Variants in SHISA9 observed in about 807,000 individuals in gnomAD.
SHISA9 encodes protein shisa-9.
In SHISA9, 13 loss-of-function variants were observed where a neutral mutation model predicts 38.0. The ratio of observed to expected loss-of-function variants is 0.34; its 90% confidence interval spans 0.22 to 0.54. SHISA9 has a LOEUF of 0.54. Ranked by LOEUF, SHISA9 falls within the 20% of genes least tolerant of loss-of-function variation. SHISA9 has a pLI of 0.91. For synonymous variants in SHISA9, 275 were observed against 242.0 expected, an observed-to-expected ratio of 1.14 and a Z score of -1.27; for missense variants, 538 against 575.8, an observed-to-expected ratio of 0.93 and a Z score of 0.67.
intron 2 of SHISA9, among the ~76,000 whole-genome samples, chr16:12,964,384 G>GTT (rs34026936): frequency 7.0e-4 from 100 of 142,860 alleles, no homozygotes; most frequent in South Asian, 1.6e-3. Flanking sequence ...TGGACTTTCT[G>GTT]TTTTTTTTTT....
At chr16:12,974,493 T>C (rs1048486454) in intron 2 of SHISA9, among the ~76,000 whole-genome samples, 1 of 139,546 alleles carries the variant, frequency 7.2e-6, no homozygotes, top group Non-Finnish European at 1.5e-5. Flanking sequence ...TTTTTTTTTT[T>C]TTTTTTTTTT....
At chr16:13,196,211 G>C (rs1209540743) in intron 2 of SHISA9, among the ~76,000 whole-genome samples, 3 of 145,892 alleles carry the variant, frequency 2.1e-5, no homozygotes, top group Non-Finnish European at 3.0e-5. Context: ...TCCTGGCTAA[G>C]ACGGTGAAAC....
chr16:13,024,001 G>A (rs2072890224), intron 2 of SHISA9, among the ~76,000 whole-genome samples: 1 of 152,222 alleles, frequency 6.6e-6, no homozygotes, highest in South Asian at 2.1e-4. Context: ...AGAGGCTGAG[G>A]AACAGAAGAA....
At chr16:13,447,453 T>C in the SHISA9 span, among the ~76,000 whole-genome samples, 2 of 152,298 alleles carry the variant, frequency 1.3e-5, no homozygotes, top group East Asian at 3.9e-4. Flanking sequence ...GGCTGCACAG[T>C]GTGGCTGAAA....
chr16:13,022,772 T>C (rs1157216655), intron 2 of SHISA9, among the ~76,000 whole-genome samples: 1 of 152,032 alleles, frequency 6.6e-6, no homozygotes, highest in Non-Finnish European at 1.5e-5. Context: ...CAGCTAATTA[T>C]TTCATTTTTC....
At chr16:13,454,741 A>G in the SHISA9 span, among the ~76,000 whole-genome samples, 2 of 152,192 alleles carry the variant, frequency 1.3e-5, no homozygotes, top group Non-Finnish European at 2.9e-5. Flanking sequence ...AGAAATGGAC[A>G]GAAGGAAGGA....
chr16:13,460,753 G>A, the SHISA9 span, among the ~76,000 whole-genome samples: 1 of 152,206 alleles, frequency 6.6e-6, no homozygotes, highest in Non-Finnish European at 1.5e-5. Context: ...GGCAGAATCT[G>A]CCTTCCTTCT....
At chr16:13,149,392 G>T (rs779636495) in intron 2 of SHISA9, among the ~76,000 whole-genome samples, 132 of 152,124 alleles carry the variant, frequency 8.7e-4, no homozygotes, top group Non-Finnish European at 4.4e-4. Flanking sequence ...ACTGGGCACA[G>T]GGTCACAGAG....
At chr16:13,233,208 C>A (rs2051349001) in intron 4 of SHISA9, among the ~76,000 whole-genome samples, 2 of 151,476 alleles carry the variant, frequency 1.3e-5, no homozygotes, top group African/African-American at 4.9e-5. Flanking sequence ...AGATAGAAAT[C>A]TGGGCAAGAT....
chr16:13,167,999 C>T (rs2050652682), intron 2 of SHISA9, among the ~76,000 whole-genome samples: 1 of 152,200 alleles, frequency 6.6e-6, no homozygotes, highest in African/African-American at 2.4e-5. Context: ...GCTCACCTGT[C>T]TGTAACAACC....
At chr16:13,186,729 C>T (rs1380595283) in intron 2 of SHISA9, among the ~76,000 whole-genome samples, 1 of 152,150 alleles carries the variant, frequency 6.6e-6, no homozygotes, top group Non-Finnish European at 1.5e-5. Flanking sequence ...AATCCCAATC[C>T]CCGCTTCTCC....
intron 4 of SHISA9, among the ~76,000 whole-genome samples, chr16:13,217,268 A>G (rs1407568877): frequency 2.0e-5 from 3 of 151,992 alleles, no homozygotes; most frequent in East Asian, 3.9e-4. Flanking sequence ...ACAGAGTGAG[A>G]CTCCGTCTCA....
Position 13,094,180 on chromosome 16 carries a change from A to C in SHISA9, c.692-109214A>C, listed in dbSNP as rs536321784. On this transcript the variant is annotated intron_variant, in intron 2 of 4. Coordinates refer to ENST00000558583, the MANE Select transcript of SHISA9 (RefSeq NM_001145204.3). ...AAAGGAGATAAGGTAAAGTATGACA[A>C]ATTTCCCAACCGTGCTCCTCTGATA... Among the ~76,000 whole-genome samples the C allele has an allele frequency of 2.6e-5, 4 of 152,280 alleles. No individual in the cohort carries two copies. In the South Asian group the frequency reaches 6.2e-4, roughly 24 times the overall value.
rs149454829 is a variant in SHISA9, at chr16:13,116,353, C to G, written c.692-87041C>G. Among the ~76,000 whole-genome samples the G allele has an allele frequency of 3.1e-3, 470 of 152,274 alleles. 1 individual carries two copies. Among genetic ancestry groups the G allele is most frequent in the African/African-American group, 0.011 (452 of 41,564 alleles). ...CCAAAGTGTTCCTCGGAAATAAATACATGGTCTTTAATGGTCTTTGGCTCT... is the reference window on the plus strand; with the variant it reads ...CCAAAGTGTTCCTCGGAAATAAATAGATGGTCTTTAATGGTCTTTGGCTCT... On this transcript the variant is annotated intron_variant, in intron 2 of 4. Transcript: ENST00000558583.
chr16:13,081,416 G>C (rs80216115), intron 2 of SHISA9, among the ~76,000 whole-genome samples: 3,194 of 152,260 alleles, frequency 0.021, 50 homozygotes, highest in Admixed American at 0.047. Context: ...CAGTCCTCAC[G>C]GCTACTGTGA....
chr16:13,271,821 C>T, the SHISA9 span, among the ~76,000 whole-genome samples: 1 of 151,972 alleles, frequency 6.6e-6, no homozygotes, highest in Non-Finnish European at 1.5e-5. Context: ...GTGGCTCACG[C>T]CTGTAATCCC....
chr16:13,235,090 A>G lies in SHISA9; in HGVS notation c.956A>G (p.Lys319Arg). The G allele has an allele frequency of 6.4e-7, 1 of 1,551,576 alleles. No individual in the cohort carries two copies. The highest frequency in any genetic ancestry group is 2.4e-5 in the East Asian group (1 of 40,892). ...CGGCACCTGGCTGAGCTGGCTGCCA[A>G]GGGGAACTTACCTCTGCACCCCGTA... ...KRRHLAELAA[K>R]GNLPLHPVRV... The change falls in exon 5 of 5, where the codon AAG (lysine) becomes AGG (arginine). Residue 319 changes from lysine to arginine, a missense_variant. Physicochemically the swap from Lys to Arg is conservative, Grantham distance 26 (BLOSUM62 2). Coordinates refer to ENST00000558583, the MANE Select transcript of SHISA9 (RefSeq NM_001145204.3).
chr16:13,493,903 C>A, the SHISA9 span, among the ~76,000 whole-genome samples: 1 of 151,928 alleles, frequency 6.6e-6, no homozygotes, highest in Non-Finnish European at 1.5e-5. Flanking sequence ...ATCAGAAGAG[C>A]TCATAGATCC....
At chr16:13,279,041 A>G in the SHISA9 span, among the ~76,000 whole-genome samples, 1 of 151,974 alleles carries the variant, frequency 6.6e-6, no homozygotes, top group Non-Finnish European at 1.5e-5. Context: ...TGATGTAGGC[A>G]CTTAGGGCTA....
Sources: allele counts gnomAD v4.1 joint callset (sites outside exome capture counted in the v4.1 genomes callset), GRCh38; gene constraint gnomAD v4.1.1; transcripts MANE v1.5; gene names NCBI Gene and HGNC (gene_info 2026-07-23, HGNC 2026-07-21).